SNX8: variants seen among roughly 807,000 people sequenced by gnomAD.
The protein encoded by SNX8 is sorting nexin-8.
A neutral mutation model predicts 51.6 loss-of-function variants in SNX8; 25 were observed. The ratio of observed to expected loss-of-function variants is 0.48; its 90% CI spans 0.35 to 0.68. The LOEUF is 0.68. Ranked by LOEUF, SNX8 falls within the 30% of genes least tolerant of loss-of-function variation. The pLI is 0.00. For synonymous variants in SNX8, 324 were observed against 277.0 expected (o/e 1.17, Z -1.68); for missense variants, 695 against 624.0 (o/e 1.11, Z -1.21).
rs535022446 is a variant in SNX8 at position 2,340,083 on chromosome 7, G to A, written c.-66+14139C>T. On this transcript the variant is annotated intron_variant, in intron 1 of 5. Coordinates refer to the SNX8 transcript ENST00000435336. ...TACAAAACTTTTTTTTTTTTTTTGA[G>A]ACAGAGTTCCGCTCTTATTGTCAGG... 1.6e-3 allele frequency among the ~76,000 whole-genome samples: 241 copies of A among 147,260 alleles called. 1 individual carries two copies. Among genetic ancestry groups the A allele is most frequent in the Admixed American group, 2.7e-3 (39 of 14,706 alleles).
chr7:2,337,936 CA>C (rs1425388507), intron 1 of SNX8, among the ~76,000 whole-genome samples: 2 of 150,770 alleles, frequency 1.3e-5, no homozygotes, highest in Non-Finnish European at 3.0e-5. Flanking sequence ...CCTTTAAAAT[CA>C]GGGGGGAGAA....
At chr7:2,326,157 A>G (rs1456547980) in intron 1 of SNX8, among the ~76,000 whole-genome samples, 3 of 150,268 alleles carry the variant, frequency 2.0e-5, no homozygotes, top group African/African-American at 7.4e-5. Context: ...GGAATTCAGG[A>G]GTTCAAGACC....
At chr7:2,283,108 C>G (rs1289241213) in intron 1 of SNX8, among the ~76,000 whole-genome samples, 1 of 151,586 alleles carries the variant, frequency 6.6e-6, no homozygotes, top group Non-Finnish European at 1.5e-5. Flanking sequence ...GCGACAAAAC[C>G]AGACTCCGTC....
chr7:2,275,366 T>C, intron 2 of SNX8, 137 bp from the exon 3 acceptor site: 2 of 694,964 alleles, frequency 2.9e-6, no homozygotes, highest in Non-Finnish European at 5.2e-6. Flanking sequence ...GGAGAAACCC[T>C]GTGACGGCTT....
chr7:2,301,655 T>G (rs995127816), intron 1 of SNX8, among the ~76,000 whole-genome samples: 1 of 152,200 alleles, frequency 6.6e-6, no homozygotes, highest in African/African-American at 2.4e-5. Context: ...GTCATTGTCA[T>G]GGAAAAGGGC....
chr7:2,283,384 C>G (rs10278242), intron 1 of SNX8, among the ~76,000 whole-genome samples: 59,461 of 152,102 alleles, frequency 0.39, 12,317 homozygotes, highest in African/African-American at 0.5. Context: ...TGAGCACTCA[C>G]ACACACCCCC....
At chr7:2,297,477 G>C (rs1296979763) in intron 1 of SNX8, among the ~76,000 whole-genome samples, 1 of 138,712 alleles carries the variant, frequency 7.2e-6, no homozygotes, top group South Asian at 2.3e-4. Context: ...TTGAACCCAA[G>C]AGGGACAGGT....
chr7:2,297,321 CG>C (rs1562444649), intron 1 of SNX8, among the ~76,000 whole-genome samples: 1 of 151,550 alleles, frequency 6.6e-6, no homozygotes, highest in Non-Finnish European at 1.5e-5. Flanking sequence ...GAGGCCGAGG[CG>C]GGCAGATCAC....
chr7:2,313,185 C>T (rs550561590), intron 1 of SNX8, among the ~76,000 whole-genome samples: 187 of 152,090 alleles, frequency 1.2e-3, no homozygotes, highest in Admixed American at 2.4e-3. Flanking sequence ...AAGCGTGAGC[C>T]ACCGTGCCCA....
intron 1 of SNX8, among the ~76,000 whole-genome samples, chr7:2,303,565 T>C (rs1420489577): frequency 6.6e-6 from 1 of 152,198 alleles, no homozygotes; most frequent in South Asian, 2.1e-4. Flanking sequence ...CGTGTCTGTG[T>C]AGAAAGAAGT....
At chr7:2,321,427 CTTT>C (rs903598248) in intron 1 of SNX8, among the ~76,000 whole-genome samples, 9 of 139,502 alleles carry the variant, frequency 6.5e-5, no homozygotes, top group Non-Finnish European at 4.7e-5. Context: ...AATGGAATTT[CTTT>C]TTTTTTTTTT....
intron 7 of SNX8, among the ~76,000 whole-genome samples, chr7:2,262,640 T>C (rs1241471258): frequency 2.0e-5 from 3 of 152,154 alleles, no homozygotes; most frequent in Admixed American, 1.3e-4. Flanking sequence ...AAGCCCAAGA[T>C]CATCTTTTCA....
At chr7:2,271,359 C>T (rs981494471) in intron 4 of SNX8, among the ~76,000 whole-genome samples, 4 of 152,218 alleles carry the variant, frequency 2.6e-5, no homozygotes, top group African/African-American at 7.2e-5. Flanking sequence ...CTTCTTGACA[C>T]ACAATAAGGC....
intron 1 of SNX8, among the ~76,000 whole-genome samples, chr7:2,327,181 A>AT: frequency 6.6e-6 from 1 of 151,972 alleles, no homozygotes; most frequent in East Asian, 1.9e-4. Flanking sequence ...TGCCTCTGTC[A>AT]TCACACAGCT....
chr7:2,346,737 CAAAA>C (rs143462126), intron 1 of SNX8, among the ~76,000 whole-genome samples: 3 of 45,332 alleles, frequency 6.6e-5, no homozygotes, highest in African/African-American at 1.7e-4. Flanking sequence ...GACTCCGTCT[CAAAA>C]AAAAAAAAAA....
At chr7:2,327,308 C>T (rs1416566108) in intron 1 of SNX8, among the ~76,000 whole-genome samples, 2 of 152,044 alleles carry the variant, frequency 1.3e-5, no homozygotes, top group African/African-American at 2.4e-5. Flanking sequence ...GGTGCAATCT[C>T]GGCTCACTGC....
intron 1 of SNX8, among the ~76,000 whole-genome samples, chr7:2,278,803 C>T (rs867353095): frequency 2.5e-5 from 1 of 40,152 alleles, no homozygotes; most frequent in Admixed American, 2.4e-4. Flanking sequence ...ACTCACACTA[C>T]GGAGTCGACG....
chr7:2,342,380 G>A (rs1255313400), intron 1 of SNX8, among the ~76,000 whole-genome samples: 1 of 149,520 alleles, frequency 6.7e-6, no homozygotes, highest in South Asian at 2.1e-4. Context: ...AGGGCTGGGC[G>A]CAGTGGCTCA....
intron 1 of SNX8, among the ~76,000 whole-genome samples, chr7:2,312,386 G>C (rs1796675747): frequency 6.6e-6 from 1 of 152,100 alleles, no homozygotes; most frequent in South Asian, 2.1e-4. Context: ...GCAGCATTCC[G>C]ATCCAATCAC....
Sources: allele counts gnomAD v4.1 joint callset (sites outside exome capture counted in the v4.1 genomes callset), GRCh38; gene constraint gnomAD v4.1.1; transcripts MANE v1.5; gene names NCBI Gene and HGNC (gene_info 2026-07-23, HGNC 2026-07-21).